AKAP13: variants seen among roughly 807,000 people sequenced by gnomAD.
AKAP13 encodes the protein A-kinase anchor protein 13.
In AKAP13, 80 loss-of-function variants were observed where a neutral mutation model predicts 264.5. The ratio of observed to expected loss-of-function variants is 0.30; its 90% CI spans 0.25 to 0.36. The LOEUF (loss-of-function observed/expected upper bound fraction) is 0.36. Among genes scored for constraint, AKAP13 ranks in the 10% least tolerant of loss-of-function variants. AKAP13 has a pLI of 1.00. For missense variants in AKAP13, 3,712 were observed against 3,435.2 expected (o/e 1.08, Z -2.01); for synonymous variants, 1,380 against 1,250.2 (o/e 1.10, Z -2.19).
At chr15:85,441,932 T>G (rs10220820) in intron 1 of AKAP13, among the ~76,000 whole-genome samples, 117,541 of 152,028 alleles carry the variant, frequency 0.77, 45,817 homozygotes, top group African/African-American at 0.81. Context: ...CACTTTGCTT[T>G]ATTCTGCCCT....
intron 1 of AKAP13, among the ~76,000 whole-genome samples, chr15:85,431,809 A>T (rs1171842573): frequency 2.6e-5 from 4 of 152,246 alleles, no homozygotes; most frequent in South Asian, 2.1e-4. Context: ...ATGGTAAAAA[A>T]ATGATTACCA....
At chr15:85,462,849 C>T (rs1225294363) in intron 1 of AKAP13, among the ~76,000 whole-genome samples, 1 of 150,438 alleles carries the variant, frequency 6.6e-6, no homozygotes, top group Admixed American at 6.6e-5. Context: ...ATGATGAAAC[C>T]CCGTCTCTAC....
chr15:85,411,752 T>A (rs777882092), intron 1 of AKAP13, among the ~76,000 whole-genome samples: 16 of 152,214 alleles, frequency 1.1e-4, no homozygotes, highest in African/African-American at 2.4e-4. Context: ...ACTGCTTTTT[T>A]AAATGAAACT....
At chr15:85,504,951 C>T (rs1303816408) in intron 2 of AKAP13, among the ~76,000 whole-genome samples, 2 of 151,846 alleles carry the variant, frequency 1.3e-5, no homozygotes, top group South Asian at 2.1e-4. Context: ...TCTCTCTCTC[C>T]CTCTCTTTTG....
chr15:85,470,182 G>C (rs537998753), intron 1 of AKAP13, among the ~76,000 whole-genome samples: 1 of 152,054 alleles, frequency 6.6e-6, no homozygotes, highest in Non-Finnish European at 1.5e-5. Flanking sequence ...CCAGCTACTC[G>C]GGAGGCTGAG....
At chr15:85,692,247 A>T (rs571431877) in intron 16 of AKAP13, among the ~76,000 whole-genome samples, 1 of 152,080 alleles carries the variant, frequency 6.6e-6, no homozygotes, top group African/African-American at 2.4e-5. Context: ...AGCTAATGAA[A>T]CTCATTTCCA....
At chr15:85,553,413 TA>T (rs879666791) in intron 5 of AKAP13, among the ~76,000 whole-genome samples, 1 of 152,230 alleles carries the variant, frequency 6.6e-6, no homozygotes, top group Non-Finnish European at 1.5e-5. Flanking sequence ...TTATACCATT[TA>T]AATTTTAATA....
chr15:85,475,885 G>C (rs555325852), intron 1 of AKAP13, among the ~76,000 whole-genome samples: 2 of 152,118 alleles, frequency 1.3e-5, no homozygotes, highest in African/African-American at 4.8e-5. Context: ...TATTTCTCTA[G>C]CATTCATTGG....
At position 85,616,739 on chromosome 15, in the gene AKAP13, A is replaced by G. The variant is rs114096304; in HGVS notation, c.4162-22635A>G. ...AAAATCCTGGCAGAATTACTGTTCA[A>G]TGGTTCCAGATGTTTTTGATAAAAA... On this transcript the variant is annotated intron_variant, in intron 8 of 36. Transcript: ENST00000394518. 1.4e-3 allele frequency among the ~76,000 whole-genome samples: 212 copies of G among 152,378 alleles called. 2 individuals are homozygous for G. Among genetic ancestry groups the G allele is most frequent in the African/African-American group, 3.8e-3 (156 of 41,590 alleles).
intron 8 of AKAP13, among the ~76,000 whole-genome samples, chr15:85,597,975 A>G (rs376509825): frequency 1.4e-4 from 21 of 152,048 alleles, no homozygotes; most frequent in South Asian, 6.2e-4. Context: ...CTCTGGGAAA[A>G]GCAGAATTGT....
In AKAP13 at chr15:85,741,126, C is replaced by G; in HGVS notation, c.7689C>G (p.Ser2563=). The G allele has an allele frequency of 1.2e-6, 2 of 1,613,618 alleles. No homozygotes were observed. Among genetic ancestry groups the G allele is most frequent in the South Asian group, 2.2e-5 (2 of 91,054 alleles). Reference sequence around the variant, plus strand: ...AGAGGGCGCTCACTCGCAGCTTGTCCCGCCCGAGCTCCCTCATTGAGCAGG... The same window carrying G: ...AGAGGGCGCTCACTCGCAGCTTGTCGCGCCCGAGCTCCCTCATTGAGCAGG... ...LSERALTRSL[S]RPSSLIEQEK... Residue 2563 remains serine (S), a synonymous_variant, in exon 35 of 37, where the codon TCC becomes TCG. Coordinates refer to ENST00000394518, the MANE Select transcript of AKAP13 (RefSeq NM_007200.5).
At chr15:85,680,075 C>G (rs1274835172) in intron 14 of AKAP13, among the ~76,000 whole-genome samples, 1 of 152,202 alleles carries the variant, frequency 6.6e-6, no homozygotes, top group Non-Finnish European at 1.5e-5. Context: ...ATTTATTCCA[C>G]ACATATCTGC....
At chr15:85,440,678 G>A (rs537881535) in intron 1 of AKAP13, among the ~76,000 whole-genome samples, 3 of 152,276 alleles carry the variant, frequency 2.0e-5, no homozygotes, top group East Asian at 1.9e-4. Context: ...TCAACAGGGC[G>A]TTGCATCAAG....
rs758045951 is a variant in AKAP13, at chr15:85,543,725, G to T, written c.479-47G>T. 5.8e-6 allele frequency: 9 copies of T among 1,543,836 alleles called. No individual in the cohort carries two copies. The Admixed American group carries it at 8.1e-5, about 14-fold the overall frequency. On this transcript the variant is annotated intron_variant, in intron 4 of 36. Coordinates refer to ENST00000394518, the MANE Select transcript of AKAP13 (RefSeq NM_007200.5). ...TTGTCTTTATGTTTGTTTGTTTTTT[G>T]TTTTTATATTTTCCTCACTTACGTT...
intron 8 of AKAP13, among the ~76,000 whole-genome samples, chr15:85,598,121 A>G (rs1239170999): frequency 6.6e-6 from 1 of 152,068 alleles, no homozygotes; most frequent in African/African-American, 2.4e-5. Flanking sequence ...TTTTGCTACC[A>G]AAAATTTGTT....
rs202065769 is a variant in AKAP13 at position 85,575,285 on chromosome 15, A to G, written c.817A>G (p.Thr273Ala). The change falls in exon 6 of 37, where the codon ACT becomes GCT. Residue 273 changes from threonine (T) to alanine (A), a missense_variant. This residue lies in a region of AKAP13 where 2,759 missense variants were observed against 2,411.7 expected (regional missense o/e 1.14). Transcript: ENST00000394518. The stretch of plus-strand genomic sequence containing the variant: ...ACACCCATTTCCTGGAGACGGTTGC[A>G]CTGGACCAATTTTTAAACTTATGAA... ...HEHPFPGDGCTGPIFKLMNIQ... is the reference protein window; with the variant it reads ...HEHPFPGDGCAGPIFKLMNIQ... 8.9e-5 allele frequency: 143 copies of G among 1,614,084 alleles called. No homozygotes were observed. The highest frequency in any genetic ancestry group is 6.6e-4 in the Middle Eastern group (4 of 6,084).
intron 1 of AKAP13, among the ~76,000 whole-genome samples, chr15:85,456,547 T>A (rs969877125): frequency 7.4e-6 from 1 of 134,762 alleles, no homozygotes; most frequent in Non-Finnish European, 1.5e-5. Flanking sequence ...TAGCCCACTT[T>A]CTGTTTTTTT....
At chr15:85,473,586 G>A (rs2075044868) in intron 1 of AKAP13, among the ~76,000 whole-genome samples, 1 of 152,182 alleles carries the variant, frequency 6.6e-6, no homozygotes, top group African/African-American at 2.4e-5. Flanking sequence ...AAGATGGCCA[G>A]AATTCAGACT....
chr15:85,542,794 A>G (rs562448111), intron 4 of AKAP13, among the ~76,000 whole-genome samples: 70 of 152,360 alleles, frequency 4.6e-4, no homozygotes, highest in African/African-American at 1.6e-3. Context: ...AGGACAGTGA[A>G]GAGAGCCGGG....
Sources: gnomAD v4.1 joint callset for allele counts (sites outside exome capture counted in the v4.1 genomes callset) on GRCh38, gnomAD v4.1.1 for gene constraint, gnomAD v4.1.1 regional missense constraint, MANE v1.5 for transcripts, NCBI Gene and HGNC (gene_info 2026-07-23, HGNC 2026-07-21) for gene names.